TMEM67: variants seen among roughly 807,000 people sequenced by gnomAD.
The protein encoded by TMEM67 is meckelin.
Under a neutral mutation model 136.6 loss-of-function variants are expected in TMEM67, and 124 were observed. That is an observed-to-expected ratio of 0.91 (90% CI 0.78 to 1.05). The LOEUF (loss-of-function observed/expected upper bound fraction) is 1.05. Among genes scored for constraint, TMEM67 ranks in the 50% least tolerant of loss-of-function variants. The pLI is 0.00. For missense variants in TMEM67, 1,107 were observed against 1,178.4 expected, an observed-to-expected ratio of 0.94 and a Z score of 0.89; for synonymous variants, 364 against 390.5, an observed-to-expected ratio of 0.93 and a Z score of 0.80.
At chr8:93,762,365 A>ATT (rs58018051) in intron 3 of TMEM67, among the ~76,000 whole-genome samples, 2 of 140,342 alleles carry the variant, frequency 1.4e-5, no homozygotes, top group Admixed American at 7.1e-5. Context: ...CTTTTTAACA[A>ATT]TTTTTTTTTT....
At chr8:93,818,270 A>G (rs908782741), downstream of TMEM67, among the ~76,000 whole-genome samples, 6 of 152,178 alleles carry the variant, frequency 3.9e-5, no homozygotes, top group Non-Finnish European at 8.8e-5. Flanking sequence ...CTGATTTTCT[A>G]GAAACATTTG....
chr8:93,800,687 T>C (rs1242067665), intron 21 of TMEM67, among the ~76,000 whole-genome samples: 2 of 152,166 alleles, frequency 1.3e-5, no homozygotes, highest in Non-Finnish European at 2.9e-5. Context: ...GAATTGGAAC[T>C]CAGGCAGCCT....
chr8:93,829,529 A>G, the TMEM67 span, among the ~76,000 whole-genome samples: 1 of 152,010 alleles, frequency 6.6e-6, no homozygotes, highest in East Asian at 1.9e-4. Context: ...ATATCCCTCA[A>G]ATGCAGCCAG....
At position 93,815,440 on chromosome 8, in the gene TMEM67, A is replaced by C. The variant is rs567042904; in HGVS notation, c.2900A>C (p.Gln967Pro). The change falls in exon 27 of 28, where the codon CAA becomes CCA. Residue 967 changes from glutamine to proline, a missense_variant. Gln to Pro is a moderately conservative substitution (Grantham distance 76). Transcript: ENST00000453321. ...TTAGCATCCTTCCTTACATATCTACAACAAGAGGTAAACTTTTAAAATTTT... is the reference window on the plus strand; with the variant it reads ...TTAGCATCCTTCCTTACATATCTACCACAAGAGGTAAACTTTTAAAATTTT... ...FILASFLTYLQQEIFRYIRNT... is the reference protein window; with the variant it reads ...FILASFLTYLPQEIFRYIRNT... 1.2e-6 allele frequency: 2 copies of C among 1,612,238 alleles called. No individual in the cohort carries two copies. Among genetic ancestry groups the C allele is most frequent in the Non-Finnish European group, 1.7e-6 (2 of 1,179,444 alleles).
chr8:93,821,722 A>T (rs1474095894), downstream of TMEM67, among the ~76,000 whole-genome samples: 1 of 152,168 alleles, frequency 6.6e-6, no homozygotes, highest in African/African-American at 2.4e-5. Flanking sequence ...AACATGGTGA[A>T]ACCCTGTCTC....
At position 93,815,316 on chromosome 8, in the gene TMEM67, T is replaced by C. The variant is rs763360678; in HGVS notation, c.2776T>C (p.Ser926Pro). 6.4e-7 allele frequency: 1 copy of C among 1,573,724 alleles called. No homozygotes were observed. Among genetic ancestry groups the C allele is most frequent in the East Asian group, 2.3e-5 (1 of 44,180 alleles). The change falls in exon 27 of 28, where the codon TCT (serine) becomes CCT (proline). Residue 926 changes from serine to proline, a missense_variant. Coordinates refer to ENST00000453321, the MANE Select transcript of TMEM67 (RefSeq NM_153704.6). ...AATTTTTTTAATAGATGAAGGTTAT[T>C]CTTTCAGCAGTGTCCTGTATTATGG... ...KSIFYNDEGY[S>P]FSSVLYYGNE...
rs797046043 is a variant in TMEM67, at chr8:93,755,825, G to A, written c.271G>A (p.Gly91Arg). 3 of 1,513,160 alleles carry A rather than the reference G, an allele frequency of 2.0e-6. No homozygotes were observed. The highest frequency in any genetic ancestry group is 1.8e-6 in the Non-Finnish European group (2 of 1,115,152). 93.7% of individuals were successfully genotyped at this position (1,513,160 alleles called of 1,614,324 possible). Residue 91 changes from glycine (G) to arginine (R), a missense_variant, in exon 2 of 28, where the codon GGA becomes AGA. Physicochemically the swap from Gly to Arg is moderately radical, Grantham distance 125 (BLOSUM62 -2). Transcript: ENST00000453321. ...LPGFQMISNNGGPAIICKKCP... is the reference protein window; with the variant it reads ...LPGFQMISNNRGPAIICKKCP... ...AGGATTTCAGATGATCTCTAATAAT[G>A]GAGGACCTGCTATTATTTGTAAAAA...
the TMEM67 span, among the ~76,000 whole-genome samples, chr8:93,832,236 G>A: frequency 1.3e-5 from 2 of 152,174 alleles, no homozygotes; most frequent in South Asian, 4.1e-4. Flanking sequence ...GGGGCTAGAG[G>A]TCTTATCTCA....
intron 6 of TMEM67, among the ~76,000 whole-genome samples, chr8:93,770,250 T>C (rs1813271975): frequency 6.6e-6 from 1 of 152,132 alleles, no homozygotes. Flanking sequence ...GCAAACACAA[T>C]GTTTTTTTCC....
chr8:93,768,281 C>T (rs529034835), intron 6 of TMEM67, among the ~76,000 whole-genome samples: 1 of 57,758 alleles, frequency 1.7e-5, no homozygotes, highest in African/African-American at 1.3e-4. Context: ...TACATACATA[C>T]ACACACACAT....
chr8:93,808,479 T>TA (rs1288344116), intron 23 of TMEM67, among the ~76,000 whole-genome samples: 3 of 146,414 alleles, frequency 2.0e-5, no homozygotes, highest in Non-Finnish European at 4.5e-5. Context: ...ATTATAGATA[T>TA]TTATCTATAA....
the TMEM67 span, among the ~76,000 whole-genome samples, chr8:93,831,993 C>T: frequency 6.6e-6 from 1 of 152,210 alleles, no homozygotes; most frequent in Non-Finnish European, 1.5e-5. Flanking sequence ...GTCTTGCCAT[C>T]CTCCAAGTCC....
At chr8:93,770,142 T>A (rs1813266801) in intron 6 of TMEM67, among the ~76,000 whole-genome samples, 1 of 152,204 alleles carries the variant, frequency 6.6e-6, no homozygotes, top group African/African-American at 2.4e-5. Context: ...GCTGAAAGAA[T>A]TAGACAATGA....
chr8:93,810,806 A>G (rs1456298871), intron 26 of TMEM67, among the ~76,000 whole-genome samples: 8 of 152,234 alleles, frequency 5.3e-5, no homozygotes, highest in Admixed American at 3.9e-4. Context: ...GTTTAATGCC[A>G]AACTATGAAA....
chr8:93,816,011 C>T lies in TMEM67; in HGVS notation c.2908-361C>T, dbSNP rs548717559. Reference sequence around the variant, plus strand: ...TATAAGTAAGATGCAATTTATTAGTCCTTGACAGTGATCTAGAATTGTGAA... The same window carrying T: ...TATAAGTAAGATGCAATTTATTAGTTCTTGACAGTGATCTAGAATTGTGAA... On this transcript the variant is annotated intron_variant, in intron 27 of 27. Coordinates refer to ENST00000453321, the MANE Select transcript of TMEM67 (RefSeq NM_153704.6). Among the ~76,000 whole-genome samples, 38 of 152,300 alleles carry T rather than the reference C, an allele frequency of 2.5e-4. 1 individual carries two copies. The highest frequency in any genetic ancestry group is 2.4e-4 in the Non-Finnish European group (16 of 68,020).
At chr8:93,796,524 T>C (rs1324006759) in intron 18 of TMEM67, among the ~76,000 whole-genome samples, 6 of 152,352 alleles carry the variant, frequency 3.9e-5, no homozygotes, top group African/African-American at 1.2e-4. Context: ...TTCCACTGAC[T>C]GGGAGCTTCT....
In TMEM67 at chr8:93,760,060, G is replaced by A. The variant is rs980812713; in HGVS notation, c.406+1484G>A. 1.2e-5 allele frequency: 15 copies of A among 1,215,732 alleles called. 1 individual carries two copies. In the Admixed American group the frequency reaches 3.4e-4, roughly 27 times the overall value. 75.3% of individuals were successfully genotyped at this position (1,215,732 alleles called of 1,614,324 possible). Reference sequence around the variant, plus strand: ...AAATGCATTCTTTATTTTTGGATGGGAAGATTAAATATTAGAAAGATGCAA... The same window carrying A: ...AAATGCATTCTTTATTTTTGGATGGAAAGATTAAATATTAGAAAGATGCAA... On this transcript the variant is annotated intron_variant, in intron 3 of 27. Coordinates refer to ENST00000453321, the MANE Select transcript of TMEM67 (RefSeq NM_153704.6).
chr8:93,811,811 C>G (rs1808714614), intron 26 of TMEM67, among the ~76,000 whole-genome samples: 1 of 151,972 alleles, frequency 6.6e-6, no homozygotes, highest in African/African-American at 2.4e-5. Context: ...TGCACTTCAG[C>G]CTGGAGGACA....
In TMEM67 at chr8:93,795,855, A is replaced by AC. The variant is rs779106216; in HGVS notation, c.1774-46_1774-45insC. On this transcript the variant is annotated intron_variant, in intron 17 of 27. Coordinates refer to ENST00000453321, the MANE Select transcript of TMEM67 (RefSeq NM_153704.6). ...AAACAAAAAACAAACAAACAAACAAAAAAAACTGTGTGTGATAATATTTAA... is the reference window on the plus strand; with the variant it reads ...AAACAAAAAACAAACAAACAAACAAACAAAAACTGTGTGTGATAATATTTAA... 71 of 1,415,156 alleles carry AC rather than the reference A, an allele frequency of 5.0e-5. 1 individual carries two copies. The highest frequency in any genetic ancestry group is 1.8e-4 in the Middle Eastern group (1 of 5,604). The allele number at this position is 1,415,156 out of a possible 1,614,324, so 87.7% of individuals were successfully genotyped here.
Sources: gnomAD v4.1 joint callset for allele counts (sites outside exome capture counted in the v4.1 genomes callset) on GRCh38, gnomAD v4.1.1 for gene constraint, MANE v1.5 for transcripts, NCBI Gene and HGNC (gene_info 2026-07-23, HGNC 2026-07-21) for gene names.